The following EPS8 variants were observed in gnomAD, a reference collection of about 807,000 sequenced individuals.
EPS8 encodes EGFR pathway substrate 8, signaling adaptor.
Under a neutral mutation model 103.8 loss-of-function variants are expected in EPS8, and 42 were observed. That is an observed-to-expected ratio of 0.40 (90% CI 0.32 to 0.52). The LOEUF (loss-of-function observed/expected upper bound fraction) is 0.52, where lower values mean the gene tolerates loss of function less well. Ranked by LOEUF, EPS8 falls within the 20% of genes least tolerant of loss-of-function variation. The pLI is 0.40. For synonymous variants in EPS8, 344 were observed against 344.6 expected (o/e 1.00, Z 0.02); for missense variants, 969 against 1,005.1 (o/e 0.96, Z 0.49).
At chr12:15,756,117 T>C (rs963033814) in intron 1 of EPS8, among the ~76,000 whole-genome samples, 15 of 152,230 alleles carry the variant, frequency 9.9e-5, no homozygotes, top group Non-Finnish European at 2.1e-4. Flanking sequence ...CAATCATTTA[T>C]GGAGTTTTTC....
At position 15,688,857 on chromosome 12, in the gene EPS8, G is replaced by A. The variant is rs1946133220; in HGVS notation, c.-21-5885C>T. On this transcript the variant is annotated intron_variant, in intron 1 of 20. Coordinates refer to ENST00000281172, the MANE Select transcript of EPS8 (RefSeq NM_004447.6). This position sits in a 1 kb window ranked among gnomAD's most constrained non-coding sequence, Gnocchi z 5.1. ...CTAATTGAGCTGGTTAACACAAGCTGTCTATAGACAGCAAAACTAAAAGAG... is the reference window on the plus strand; with the variant it reads ...CTAATTGAGCTGGTTAACACAAGCTATCTATAGACAGCAAAACTAAAAGAG... Among the ~76,000 whole-genome samples, 1 of 152,210 alleles carries A rather than the reference G, an allele frequency of 6.6e-6. No homozygotes were observed. The highest frequency in any genetic ancestry group is 1.5e-5 in the Non-Finnish European group (1 of 68,038).
At chr12:15,682,743 CAT>C (rs555806194) in intron 2 of EPS8, 148 bp downstream of exon 2, 40 of 571,920 alleles carry the variant, frequency 7.0e-5, no homozygotes, top group Admixed American at 1.9e-4. Flanking sequence ...CTTTTAATAA[CAT>C]GTGTTGTAAC....
chr12:15,786,734 G>A (rs1947315377), intron 1 of EPS8, among the ~76,000 whole-genome samples: 1 of 152,042 alleles, frequency 6.6e-6, no homozygotes, highest in Admixed American at 6.6e-5. Flanking sequence ...AAGCACTGAA[G>A]ACCCTTAAAC....
At chr12:15,654,029 T>A in intron 13 of EPS8, 116 bp downstream of exon 13, 1 of 1,009,414 alleles carries the variant, frequency 9.9e-7, no homozygotes, top group Non-Finnish European at 1.5e-6. Flanking sequence ...GGGTTTAGGT[T>A]TTTTCATCCT....
At position 15,660,686 on chromosome 12, in the gene EPS8, T is replaced by C. The variant is rs1463797394; in HGVS notation, c.865A>G (p.Lys289Glu). ...DIEFFITKLQ[K>E]AAEAFSELSK... ...AGCTCAGAAAATGCTTCTGCTGCTT[T>C]TTGGAGTTTTGTGATAAAAAATTCA... The change falls in exon 10 of 21, where the codon AAA becomes GAA. Residue 289 changes from lysine to glutamate, a missense_variant. Physicochemically the swap from Lys to Glu is moderately conservative, Grantham distance 56 (BLOSUM62 1). Transcript: ENST00000281172. The C allele has an allele frequency of 6.2e-7, 1 of 1,612,370 alleles. No homozygotes were observed. Among genetic ancestry groups the C allele is most frequent in the Non-Finnish European group, 8.5e-7 (1 of 1,178,726 alleles).
In EPS8 at chr12:15,751,620, TA is replaced by T. The variant is rs958431112; in HGVS notation, c.-22+37540del. 4.6e-5 allele frequency among the ~76,000 whole-genome samples: 7 copies of T among 151,936 alleles called. No individual in the cohort carries two copies. Among genetic ancestry groups the T allele is most frequent in the Non-Finnish European group, 8.8e-5 (6 of 67,986 alleles). On this transcript the variant is annotated intron_variant, in intron 1 of 20. Transcript: ENST00000281172. This position sits in a 1 kb window ranked among gnomAD's most constrained non-coding sequence, Gnocchi z 4.3. ...GTTTCAGACACTAGGGACATAGCAGTAAAAAAAGGGGGCAAGATTTTTTGCC... is the reference window on the plus strand; with the variant it reads ...GTTTCAGACACTAGGGACATAGCAGTAAAAAAGGGGGCAAGATTTTTTGCC...
In EPS8 at chr12:15,721,601, T is replaced by C. The variant is rs946319894; in HGVS notation, c.-21-38629A>G. Among the ~76,000 whole-genome samples the C allele has an allele frequency of 1.3e-5, 2 of 152,188 alleles. No homozygotes were observed. The highest frequency in any genetic ancestry group is 2.9e-5 in the Non-Finnish European group (2 of 68,014). On this transcript the variant is annotated intron_variant, in intron 1 of 20. Transcript: ENST00000281172. This position sits in a 1 kb window ranked among gnomAD's most constrained non-coding sequence, Gnocchi z 4.4. ...TACATCTCAGCCCATCAGTTTTCCT[T>C]CTTTGGAATAGTACATTTTATCCTC...
rs776335389 is a variant in EPS8 at position 15,650,834 on chromosome 12, A to T, written c.1423T>A (p.Leu475Ile). 1 of 1,613,864 alleles carries T rather than the reference A, an allele frequency of 6.2e-7. No homozygotes were observed. Among genetic ancestry groups the T allele is most frequent in the Non-Finnish European group, 8.5e-7 (1 of 1,179,842 alleles). ...AAAAAAAAAACTACCTCTGTGGATA[A>T]TCTTTTTATTTCCTGTTTGCGCTGA... ...EHQRKQEIKRLSTEHSSVSEY... is the reference protein window; with the variant it reads ...EHQRKQEIKRISTEHSSVSEY... Residue 475 changes from leucine (L) to isoleucine (I), a missense_variant, in exon 14 of 21, where the codon TTA becomes ATA. Transcript: ENST00000281172.
chr12:15,723,923 C>A (rs1946625389), intron 1 of EPS8, among the ~76,000 whole-genome samples: 1 of 152,102 alleles, frequency 6.6e-6, no homozygotes, highest in African/African-American at 2.4e-5. Context: ...TTGAAGATAA[C>A]CAACAGGTTA....
chr12:15,728,790 T>C lies in EPS8; in HGVS notation c.-21-45818A>G, dbSNP rs1946682062. Among the ~76,000 whole-genome samples, 2 of 152,228 alleles carry C rather than the reference T, an allele frequency of 1.3e-5. No individual in the cohort carries two copies. The highest frequency in any genetic ancestry group is 2.4e-5 in the African/African-American group (1 of 41,462). ...AGAAATATTTAAAGCACAATATATG[T>C]TAATATCAAACTTTGGTAGCAAAAT... On this transcript the variant is annotated intron_variant, in intron 1 of 20. Transcript: ENST00000281172. This position sits in a 1 kb window ranked among gnomAD's most constrained non-coding sequence, Gnocchi z 4.5.
At position 15,769,263 on chromosome 12, in the gene EPS8, A is replaced by G. The variant is rs1430479579; in HGVS notation, c.-22+19898T>C. 6.6e-6 allele frequency among the ~76,000 whole-genome samples: 1 copy of G among 152,228 alleles called. No homozygotes were observed. On this transcript the variant is annotated intron_variant, in intron 1 of 20. Transcript: ENST00000281172. The surrounding 1 kb of genome is among the most constrained non-coding windows in gnomAD (Gnocchi z 4.6). The stretch of plus-strand genomic sequence containing the variant: ...AAGCACACAAAAAATAAGAGATACA[A>G]TCAGGCAAATATTATATGTCATTCT...
Position 15,623,141 on chromosome 12 carries a change from A to G in EPS8, c.2355+17T>C, listed in dbSNP as rs758836692. The G allele has an allele frequency of 6.3e-7, 1 of 1,595,488 alleles. No homozygotes were observed. Among genetic ancestry groups the G allele is most frequent in the Non-Finnish European group, 8.5e-7 (1 of 1,174,650 alleles). On this transcript the variant is annotated intron_variant, in intron 20 of 20. Coordinates refer to ENST00000281172, the MANE Select transcript of EPS8 (RefSeq NM_004447.6). ...TCAATTTGCAGAAAAACACCACCTT[A>G]GGTTGACAAGTCATACCTCCAATGC...
At chr12:15,660,116 T>C (rs1038742511) in intron 10 of EPS8, among the ~76,000 whole-genome samples, 1 of 152,166 alleles carries the variant, frequency 6.6e-6, no homozygotes, top group African/African-American at 2.4e-5. Flanking sequence ...TTCTTCACTA[T>C]AGCTGACTTA....
At chr12:15,627,567 T>C (rs1472414497) in intron 18 of EPS8, among the ~76,000 whole-genome samples, 1 of 152,150 alleles carries the variant, frequency 6.6e-6, no homozygotes, top group African/African-American at 2.4e-5. Flanking sequence ...CAAAGTCACA[T>C]TTCAATTAGT....
chr12:15,666,550 G>A, intron 6 of EPS8, 28 bp from the exon 7 acceptor site: 1 of 1,556,432 alleles, frequency 6.4e-7, no homozygotes, highest in African/African-American at 1.4e-5. Flanking sequence ...TTACCTGAAA[G>A]TTTATGGATT....
At position 15,669,750 on chromosome 12, in the gene EPS8, G is replaced by C; in HGVS notation, c.280C>G (p.Leu94Val). 1 of 1,613,658 alleles carries C rather than the reference G, an allele frequency of 6.2e-7. No homozygotes were observed. Among genetic ancestry groups the C allele is most frequent in the Non-Finnish European group, 8.5e-7 (1 of 1,179,788 alleles). The change falls in exon 5 of 21, where the codon CTT becomes GTT. Residue 94 changes from leucine (L) to valine (V), a missense_variant. Physicochemically the swap from Leu to Val is conservative, Grantham distance 32. Coordinates refer to ENST00000281172, the MANE Select transcript of EPS8 (RefSeq NM_004447.6). ...VDDGIRKLKLLDAKGKVWTQD... is the reference protein window; with the variant it reads ...VDDGIRKLKLVDAKGKVWTQD... ...GTCCACACTTTGCCCTTGGCATCAA[G>C]CAATTTCAATTTCCTTATTCCATCA...
rs1035227160 is a variant in EPS8 at position 15,735,447 on chromosome 12, G to A, written c.-21-52475C>T. On this transcript the variant is annotated intron_variant, in intron 1 of 20. Transcript: ENST00000281172. This position sits in a 1 kb window ranked among gnomAD's most constrained non-coding sequence, Gnocchi z 4.4. ...AATATTGTCTTATGGCGCATCCCAC[G>A]TTAATGCTACTTGACTTAATCCTTA... Among the ~76,000 whole-genome samples the A allele has an allele frequency of 2.6e-5, 4 of 152,124 alleles. No homozygotes were observed. The highest frequency in any genetic ancestry group is 6.5e-5 in the Admixed American group (1 of 15,278).
At chr12:15,640,951 A>C in intron 16 of EPS8, 105 bp from the exon 17 acceptor site, 1 of 901,878 alleles carries the variant, frequency 1.1e-6, no homozygotes, top group South Asian at 1.6e-5. Flanking sequence ...TCTGATAATT[A>C]ACTCAGCATC....
intron 1 of EPS8, among the ~76,000 whole-genome samples, chr12:15,742,361 C>T (rs1946833746): frequency 6.6e-6 from 1 of 152,224 alleles, no homozygotes; most frequent in African/African-American, 2.4e-5. Context: ...TTCTCCACAT[C>T]CTCTCCAGCA....
Sources: gnomAD v4.1 joint callset for allele counts (sites outside exome capture counted in the v4.1 genomes callset) on GRCh38, gnomAD v4.1.1 for gene constraint, Gnocchi (gnomAD v3.1) non-coding constraint, MANE v1.5 for transcripts, NCBI Gene and HGNC (gene_info 2026-07-23, HGNC 2026-07-21) for gene names.